Variants in ALG11 observed in about 807,000 individuals in gnomAD.
ALG11 encodes the protein ALG11 alpha-1,2-mannosyltransferase.
ALG11 carries 26 observed loss-of-function variants against 38.8 expected under a neutral mutation model. The ratio of observed to expected loss-of-function variants is 0.67; its 90% CI spans 0.49 to 0.93. The LOEUF (loss-of-function observed/expected upper bound fraction) is 0.93, where lower values mean the gene tolerates loss of function less well. ALG11 is among the 40% of genes least tolerant of loss of function. ALG11 has a pLI of 0.00. For missense variants in ALG11, 535 were observed against 578.8 expected (o/e 0.92, Z 0.78); for synonymous variants, 199 against 211.6 (o/e 0.94, Z 0.52).
chr13:52,022,401 T>G (rs1435044001), intron 2 of ALG11: 1 of 152,154 alleles, frequency 6.6e-6, no homozygotes, highest in Non-Finnish European at 1.5e-5. Flanking sequence ...AAATGGAATT[T>G]GTGGGCATTT....
chr13:52,026,200 G>A (rs116389781), intron 3 of ALG11, among the ~76,000 whole-genome samples: 3 of 152,214 alleles, frequency 2.0e-5, no homozygotes, highest in African/African-American at 7.2e-5. Context: ...CCAAGGAAAT[G>A]ATGTGACACT....
At chr13:52,022,975 AT>A (rs1290519863) in intron 2 of ALG11, 1 of 152,232 alleles carries the variant, frequency 6.6e-6, no homozygotes, top group Non-Finnish European at 1.5e-5. Flanking sequence ...TAAATGTTTT[AT>A]GACTCAAAGA....
rs769412664 is a variant in ALG11, at chr13:52,030,830, G to A, written c.*2240G>A. On this transcript the variant is annotated 3_prime_UTR_variant, in exon 4 of 4. Coordinates refer to ENST00000521508, the MANE Select transcript of ALG11 (RefSeq NM_001004127.3). ...TATCAGTGAGAAGCGCAACATCCAC[G>A]CAGCAGCTCATCAGGTACAAGTGCT... 11 of 1,614,022 alleles carry A rather than the reference G, an allele frequency of 6.8e-6. No individual in the cohort carries two copies. The highest frequency in any genetic ancestry group is 1.6e-4 in the Middle Eastern group (1 of 6,084).
chr13:52,031,124 T>G lies in ALG11; in HGVS notation c.*2534T>G, dbSNP rs1432323771. Reference sequence around the variant, plus strand: ...ACTGTAGGTTGTGTAGCTGGAGAAGTGACAGTCAGGGGCCCTGATTCCACT... The same window carrying G: ...ACTGTAGGTTGTGTAGCTGGAGAAGGGACAGTCAGGGGCCCTGATTCCACT... On this transcript the variant is annotated 3_prime_UTR_variant, in exon 4 of 4. Coordinates refer to ENST00000521508, the MANE Select transcript of ALG11 (RefSeq NM_001004127.3). 1 of 1,590,310 alleles carries G rather than the reference T, an allele frequency of 6.3e-7. No homozygotes were observed.
rs1954313120 is a variant in ALG11 at position 52,032,237 on chromosome 13, A to G, written c.*3647A>G. ...CTCCATCTCAAAAAAGAAAAAAAGG[A>G]AAAAGAAAATTATGAGAGTTACTTA... On this transcript the variant is annotated 3_prime_UTR_variant, in exon 4 of 4. Transcript: ENST00000521508. The G allele has an allele frequency of 6.1e-6, 1 of 163,740 alleles. No individual in the cohort carries two copies. The allele number at this position is 163,740 out of a possible 1,614,324, so 10.1% of individuals were successfully genotyped here.
At chr13:52,023,695 T>C (rs1566704842) in intron 2 of ALG11, 1 of 162,882 alleles carries the variant, frequency 6.1e-6, no homozygotes, top group Non-Finnish European at 1.3e-5. Flanking sequence ...TTTTTGTTTT[T>C]GTTTTTGTTT....
intron 1 of ALG11, chr13:52,017,448 T>C (rs1837850731): frequency 6.6e-6 from 1 of 152,400 alleles, no homozygotes; most frequent in Non-Finnish European, 1.5e-5. Flanking sequence ...TCAGTTTGAA[T>C]TGTGTCTCCC....
rs960371290 is a variant in ALG11 at position 52,031,908 on chromosome 13, G to A, written c.*3318G>A. On this transcript the variant is annotated 3_prime_UTR_variant, in exon 4 of 4. Coordinates refer to ENST00000521508, the MANE Select transcript of ALG11 (RefSeq NM_001004127.3). ...TAGAGTTGGAATGAGATGGAAAGTA[G>A]ATGAAACTACTTTGAAAATTACGAC... The A allele has an allele frequency of 6.0e-6, 1 of 167,076 alleles. No homozygotes were observed. Among genetic ancestry groups the A allele is most frequent in the Non-Finnish European group, 1.5e-5 (1 of 68,126 alleles). 10.3% of individuals were successfully genotyped at this position (167,076 alleles called of 1,614,324 possible). A position where few individuals can be genotyped will look rare whatever the true frequency, so the allele number is the denominator to read the frequency against.
In ALG11 at chr13:52,030,163, G is replaced by A. The variant is rs11538094; in HGVS notation, c.*1573G>A. On this transcript the variant is annotated 3_prime_UTR_variant, in exon 4 of 4. Transcript: ENST00000521508. Reference sequence around the variant, plus strand: ...AAACAAAAGATTCTAGCAGCCAGGAGGTGCTGTCCGAATTGAGGGCACTAT... The same window carrying A: ...AAACAAAAGATTCTAGCAGCCAGGAAGTGCTGTCCGAATTGAGGGCACTAT... The A allele has an allele frequency of 1.2e-6, 2 of 1,614,066 alleles. No individual in the cohort carries two copies. Among genetic ancestry groups the A allele is most frequent in the Non-Finnish European group, 1.7e-6 (2 of 1,180,042 alleles).
chr13:52,030,714 G>A lies in ALG11; in HGVS notation c.*2124G>A, dbSNP rs776204371. On this transcript the variant is annotated 3_prime_UTR_variant, in exon 4 of 4. Coordinates refer to ENST00000521508, the MANE Select transcript of ALG11 (RefSeq NM_001004127.3). ...GGCTGGGGCGAGTGGGGTGGTGTGG[G>A]CCTAAAGCCCAGTGCCAAGAAAAGA... 1 of 1,614,234 alleles carries A rather than the reference G, an allele frequency of 6.2e-7. No individual in the cohort carries two copies. Among genetic ancestry groups the A allele is most frequent in the Middle Eastern group, 1.6e-4 (1 of 6,062 alleles).
intron 2 of ALG11, chr13:52,023,378 A>T (rs1954202442): frequency 6.6e-6 from 1 of 152,166 alleles, no homozygotes; most frequent in African/African-American, 2.4e-5. Flanking sequence ...CTAATTCAAT[A>T]AAAAATGTAG....
chr13:52,026,361 A>G (rs960215190), intron 3 of ALG11, among the ~76,000 whole-genome samples: 1 of 152,232 alleles, frequency 6.6e-6, no homozygotes, highest in African/African-American at 2.4e-5. Flanking sequence ...AGGTTAAGCC[A>G]GTGGAAAAAA....
rs1424563806 is a variant in ALG11 at position 52,029,415 on chromosome 13, C to A, written c.*825C>A. On this transcript the variant is annotated 3_prime_UTR_variant, in exon 4 of 4. Transcript: ENST00000521508. ...CAGCCAGTGACAGATCCTTTACTGACTCCCATGGAAAAGGCCTCTCTCCAA... is the reference window on the plus strand; with the variant it reads ...CAGCCAGTGACAGATCCTTTACTGAATCCCATGGAAAAGGCCTCTCTCCAA... 5.6e-6 allele frequency: 9 copies of A among 1,614,038 alleles called. No homozygotes were observed. Among genetic ancestry groups the A allele is most frequent in the African/African-American group, 1.3e-5 (1 of 74,906 alleles).
At position 52,032,778 on chromosome 13, in the gene ALG11, A is replaced by G. The variant is rs977153224; in HGVS notation, c.*4188A>G. 1.9e-4 allele frequency: 31 copies of G among 167,114 alleles called. 1 individual carries two copies. The highest frequency in any genetic ancestry group is 7.2e-4 in the African/African-American group (30 of 41,468). The allele number at this position is 167,114 out of a possible 1,614,324, so 10.4% of individuals were successfully genotyped here. ...TGGAGTGAAAGGAACCCTACAGATT[A>G]GCCCAGTTCTCTCTTATTTTCAGCT... On this transcript the variant is annotated 3_prime_UTR_variant, in exon 4 of 4. Transcript: ENST00000521508.
At chr13:52,028,202 C>T in intron 3 of ALG11, 117 bp from the exon 4 acceptor site, 1 of 1,196,178 alleles carries the variant, frequency 8.4e-7, no homozygotes, top group South Asian at 1.3e-5. Flanking sequence ...TCTAGACATA[C>T]ATTTAATTAA....
intron 3 of ALG11, among the ~76,000 whole-genome samples, chr13:52,025,518 G>A (rs1954232231): frequency 1.3e-5 from 2 of 152,186 alleles, no homozygotes; most frequent in South Asian, 4.1e-4. Flanking sequence ...GTTTGCATAG[G>A]GGCTTCTCAC....
In ALG11 at chr13:52,030,512, G is replaced by A. The variant is rs144854745; in HGVS notation, c.*1922G>A. ...CTTCCTGACCACACAGTCTCCTTCC[G>A]TGAGGTCTTTGGCAGTTCCCACAAT... On this transcript the variant is annotated 3_prime_UTR_variant, in exon 4 of 4. Transcript: ENST00000521508. 2.0e-4 allele frequency: 330 copies of A among 1,614,200 alleles called. No individual in the cohort carries two copies. The African/African-American group carries it at 3.7e-3, about 18-fold the overall frequency.
chr13:52,026,569 CA>C (rs1954242471), intron 3 of ALG11, among the ~76,000 whole-genome samples: 1 of 152,110 alleles, frequency 6.6e-6, no homozygotes, highest in Non-Finnish European at 1.5e-5. Context: ...AAACATTCTG[CA>C]GTAGTATTGA....
chr13:52,023,565 A>G (rs1334592515), intron 2 of ALG11: 1 of 151,304 alleles, frequency 6.6e-6, no homozygotes, highest in Non-Finnish European at 1.5e-5. Context: ...ATTGCACTCC[A>G]GCCTGGGCAA....
Sources: allele counts gnomAD v4.1 joint callset (sites outside exome capture counted in the v4.1 genomes callset), GRCh38; gene constraint gnomAD v4.1.1; transcripts MANE v1.5; gene names NCBI Gene and HGNC (gene_info 2026-07-23, HGNC 2026-07-21).